BCOR: variants seen among roughly 807,000 people sequenced by gnomAD.
BCOR encodes BCL6 corepressor.
In BCOR, 10 loss-of-function variants were observed where a neutral mutation model predicts 86.7. The observed-to-expected ratio is 0.12, with a 90% CI of 0.07 to 0.20. The LOEUF (loss-of-function observed/expected upper bound fraction) is 0.20. Among genes scored for constraint, BCOR ranks in the 10% least tolerant of loss-of-function variants. The probability of loss-of-function intolerance (pLI) is 1.00; values close to 1 mark genes in which losing one functional copy is unlikely to be tolerated. For missense variants in BCOR, 1,259 were observed against 1,452.1 expected (o/e 0.87, Z 2.16); for synonymous variants, 611 against 609.0 (o/e 1.00, Z -0.05).
upstream of BCOR, among the ~76,000 whole-genome samples, chrX:40,101,867 G>A (rs1004077726): frequency 1.8e-5 from 2 of 112,665 alleles, no homozygotes; most frequent in African/African-American, 6.4e-5. Flanking sequence ...GGTGGGACTC[G>A]GATGAGTACA....
At chrX:40,168,124 C>T (rs1381101322) in intron 1 of BCOR, among the ~76,000 whole-genome samples, 1 of 113,024 alleles carries the variant, frequency 8.8e-6, no homozygotes, top group Admixed American at 9.3e-5. Flanking sequence ...ACCACGGGAC[C>T]GCGGCAGCCG....
intron 7 of BCOR, 27 bp from the exon 8 acceptor site, chrX:40,063,979 TC>T: frequency 1.2e-6 from 1 of 820,603 alleles, no homozygotes; most frequent in South Asian, 2.4e-5. Context: ...TACAAATTAA[TC>T]AAAAAGCCCC....
At chrX:40,116,361 G>T (rs1325752180) in intron 1 of BCOR, among the ~76,000 whole-genome samples, 1 of 109,935 alleles carries the variant, frequency 9.1e-6, no homozygotes, top group African/African-American at 3.3e-5. Context: ...GCCATGTGTG[G>T]TGGTGGGCGC....
chrX:40,174,281 G>T (rs949684481), intron 1 of BCOR, among the ~76,000 whole-genome samples: 8 of 112,127 alleles, frequency 7.1e-5, no homozygotes, highest in Non-Finnish European at 1.1e-4. Flanking sequence ...GAACACGGGC[G>T]CCTCCAGGTT....
At chrX:40,126,234 A>C (rs1484382687) in intron 1 of BCOR, among the ~76,000 whole-genome samples, 2 of 97,395 alleles carry the variant, frequency 2.1e-5, no homozygotes, top group South Asian at 9.1e-4. Context: ...AAAAAAAAAG[A>C]ATCATCTGGG....
intron 1 of BCOR, among the ~76,000 whole-genome samples, chrX:40,144,154 C>T (rs1354397511): frequency 1.8e-5 from 2 of 111,553 alleles, no homozygotes; most frequent in Non-Finnish European, 3.8e-5. Context: ...CTGATAAATC[C>T]AGGCTAATGG....
intron 1 of BCOR, among the ~76,000 whole-genome samples, chrX:40,136,035 C>T (rs1231782033): frequency 2.7e-5 from 3 of 111,949 alleles, no homozygotes; most frequent in Non-Finnish European, 5.6e-5. Flanking sequence ...TTCATCCCAC[C>T]GATGTCAGGC....
rs1602286829 is a variant in BCOR, at chrX:40,172,494, G to C, written c.-41+4513C>G. Among the ~76,000 whole-genome samples the C allele has an allele frequency of 4.4e-5, 5 of 113,613 alleles. No homozygotes were observed. The South Asian group carries it at 1.7e-3, about 40-fold the overall frequency. ...CCACGGGCTTCCGAAGCGCCCGAGC[G>C]GGGAGGAGGAAGGAAAAGCGGAGGC... On this transcript the variant is annotated intron_variant, in intron 1 of 14. Coordinates refer to the BCOR transcript ENST00000342274.
intron 1 of BCOR, among the ~76,000 whole-genome samples, chrX:40,107,481 G>A (rs1937212977): frequency 8.8e-6 from 1 of 113,081 alleles, no homozygotes; most frequent in African/African-American, 3.2e-5. Flanking sequence ...GAGCTGCTCA[G>A]GCGGCAATTT....
At chrX:40,089,507 G>A (rs947049148) in intron 1 of BCOR, among the ~76,000 whole-genome samples, 1 of 111,658 alleles carries the variant, frequency 9.0e-6, no homozygotes, top group Admixed American at 9.5e-5. Flanking sequence ...AGTGAGCCGT[G>A]AACCCAGTTT....
chrX:40,123,145 C>T (rs963650546), intron 1 of BCOR, among the ~76,000 whole-genome samples: 13 of 111,078 alleles, frequency 1.2e-4, no homozygotes, highest in Non-Finnish European at 2.5e-4. Context: ...CCATTTGGGC[C>T]ATTTCCTTAA....
intron 1 of BCOR, among the ~76,000 whole-genome samples, chrX:40,150,207 G>T (rs926959938): frequency 8.9e-6 from 1 of 112,258 alleles, no homozygotes; most frequent in Non-Finnish European, 1.9e-5. Flanking sequence ...GAGTGAAGGA[G>T]AATAAACATC....
At chrX:40,053,783 G>A (rs865876554) in intron 14 of BCOR, 103 bp downstream of exon 14, 1 of 934,490 alleles carries the variant, frequency 1.1e-6, no homozygotes, top group African/African-American at 1.9e-5. Flanking sequence ...CAGTTAAGGA[G>A]GTCACTCACC....
chrX:40,120,965 G>C (rs372756000), intron 1 of BCOR, among the ~76,000 whole-genome samples: 1 of 111,585 alleles, frequency 9.0e-6, no homozygotes, highest in East Asian at 2.8e-4. Context: ...AGCAAGCCAA[G>C]ATTTCTGAGG....
rs1160707543 is a variant in BCOR, at chrX:40,105,310, G to A, written c.-40-27341C>T. 3.6e-5 allele frequency among the ~76,000 whole-genome samples: 4 copies of A among 111,477 alleles called. No individual in the cohort carries two copies. The East Asian group carries it at 1.2e-3, about 32-fold the overall frequency. On this transcript the variant is annotated intron_variant, in intron 1 of 14. Coordinates refer to the BCOR transcript ENST00000342274. ...GAGAGCCGCGCGGCGGCAGCAGCCA[G>A]GGGAGGGTGCTCCTCGCGGCCGCCC...
upstream of BCOR, among the ~76,000 whole-genome samples, chrX:40,098,080 T>C (rs866364443): frequency 2.3e-5 from 1 of 44,299 alleles, no homozygotes; most frequent in African/African-American, 9.2e-5. Context: ...AACAGCCGCC[T>C]CCCCTCCCCC....
chrX:40,101,821 G>A (rs1384179327), upstream of BCOR, among the ~76,000 whole-genome samples: 1 of 112,773 alleles, frequency 8.9e-6, no homozygotes, highest in Non-Finnish European at 1.9e-5. Flanking sequence ...CTCCTCGGAG[G>A]CTGTTCTCAG....
intron 1 of BCOR, among the ~76,000 whole-genome samples, chrX:40,139,042 A>G (rs955688552): frequency 1.2e-4 from 13 of 109,218 alleles, no homozygotes; most frequent in African/African-American, 4.3e-4. Flanking sequence ...CCCCATACTA[A>G]CTACGACATA....
At chrX:40,137,911 G>A (rs907378372) in intron 1 of BCOR, among the ~76,000 whole-genome samples, 2 of 111,425 alleles carry the variant, frequency 1.8e-5, no homozygotes, top group African/African-American at 6.5e-5. Flanking sequence ...AACTAGCCAG[G>A]CTATAAAAGG....
Sources: gnomAD v4.1 joint callset for allele counts (sites outside exome capture counted in the v4.1 genomes callset) on GRCh38, gnomAD v4.1.1 for gene constraint, MANE v1.5 for transcripts, NCBI Gene and HGNC (gene_info 2026-07-23, HGNC 2026-07-21) for gene names.